Variants in RASA4B observed in about 807,000 individuals in gnomAD.
RASA4B encodes ras GTPase-activating protein 4B.
RASA4B carries 2 observed loss-of-function variants against 24.2 expected under a neutral mutation model. The observed-to-expected ratio is 0.08, with a 90% CI of 0.03 to 0.26. The LOEUF (loss-of-function observed/expected upper bound fraction) is 0.26. RASA4B is among the 10% of genes least tolerant of loss of function. The pLI, the probability that RASA4B is intolerant of heterozygous loss-of-function variation, is 1.00. For missense variants in RASA4B, 8 were observed against 277.2 expected (o/e 0.03, Z 6.90); for synonymous variants, 2 against 125.6 (o/e 0.02, Z 6.58).
chr7:102,485,954 CA>C (rs1700859111), intron 18 of RASA4B, among the ~76,000 whole-genome samples: 2 of 149,666 alleles, frequency 1.3e-5, no homozygotes, highest in South Asian at 2.2e-4. Context: ...TCTCTTGGGC[CA>C]GGGTGGGTCC....
chr7:102,498,462 A>T (rs1250176416), intron 8 of RASA4B, among the ~76,000 whole-genome samples: 4 of 144,312 alleles, frequency 2.8e-5, no homozygotes, highest in Non-Finnish European at 6.2e-5. Flanking sequence ...GGATTTCACC[A>T]TGTTGGCCAG....
chr7:102,502,943 C>T (rs1799372770), intron 6 of RASA4B, among the ~76,000 whole-genome samples: 1 of 56,814 alleles, frequency 1.8e-5, no homozygotes, highest in East Asian at 3.4e-4. Context: ...CTCCTTACCC[C>T]CAAGCATGGC....
At chr7:102,509,114 T>TTA (rs59233460) in intron 4 of RASA4B, among the ~76,000 whole-genome samples, 34 of 88,442 alleles carry the variant, frequency 3.8e-4, no homozygotes, top group African/African-American at 8.1e-4. Context: ...GCCTTTTTTT[T>TTA]AAAAAAAAAC....
rs1400499247 is a variant in RASA4B, at chr7:102,480,187, G to A, written c.*3405C>T. 2.6e-5 allele frequency among the ~76,000 whole-genome samples: 4 copies of A among 152,120 alleles called. No homozygotes were observed. Among genetic ancestry groups the A allele is most frequent in the Admixed American group, 2.0e-4 (3 of 15,234 alleles). ...GCCAGCATCTGGGAAGACACCTGTTGCCAAGCCCACCGTGGTCTAGCTGTA... is the reference window on the plus strand; with the variant it reads ...GCCAGCATCTGGGAAGACACCTGTTACCAAGCCCACCGTGGTCTAGCTGTA... On this transcript the variant is annotated 3_prime_UTR_variant, in exon 21 of 21. Transcript: ENST00000465829.
intron 8 of RASA4B, among the ~76,000 whole-genome samples, chr7:102,498,548 C>T (rs1368823373): frequency 2.1e-5 from 3 of 144,234 alleles, no homozygotes; most frequent in Admixed American, 7.1e-5. Flanking sequence ...CATGAGCCAC[C>T]GCACCCGGCT....
intron 16 of RASA4B, among the ~76,000 whole-genome samples, chr7:102,492,502 GC>G (rs1419795412): frequency 5.3e-5 from 4 of 75,506 alleles, no homozygotes; most frequent in African/African-American, 1.1e-4. Flanking sequence ...TCCCCTGTTT[GC>G]CCTAGCCTCC....
At chr7:102,512,776 G>A (rs868336293) in intron 1 of RASA4B, among the ~76,000 whole-genome samples, 495 of 148,752 alleles carry the variant, frequency 3.3e-3, no homozygotes, top group Middle Eastern at 0.021. Context: ...AAGAGGGAGG[G>A]GGAGACTGAG....
rs1798589689 is a variant in RASA4B at position 102,480,516 on chromosome 7, TCAAAGATATA to T, written c.*3066_*3075del. Among the ~76,000 whole-genome samples the T allele has an allele frequency of 8.7e-6, 1 of 115,046 alleles. No individual in the cohort carries two copies. 75.5% of individuals were successfully genotyped at this position (115,046 alleles called of 152,430 possible). On this transcript the variant is annotated 3_prime_UTR_variant, in exon 21 of 21. Transcript: ENST00000465829. ...TTAAGCTTTTTTATTCTTGAAAAGT[TCAAAGATATA>T]CAAAGATAGACTATGCAGGATAATG...
chr7:102,512,882 T>G (rs1440315668), intron 1 of RASA4B, among the ~76,000 whole-genome samples: 339 of 87,362 alleles, frequency 3.9e-3, no homozygotes, highest in Middle Eastern at 7.5e-3. Flanking sequence ...GAGGGAGGGG[T>G]GGAGAGGGAG....
At position 102,481,665 on chromosome 7, in the gene RASA4B, CAAA is replaced by C. The variant is rs553740659; in HGVS notation, c.*1924_*1926del. ...TGGGCAACACAGTGAGACTCTGTCT[CAAA>C]AAAAAAAAAAAAAAAAATTATAAAG... On this transcript the variant is annotated 3_prime_UTR_variant, in exon 21 of 21. Transcript: ENST00000465829. Among the ~76,000 whole-genome samples the C allele has an allele frequency of 2.0e-3, 73 of 35,750 alleles. No individual in the cohort carries two copies. The highest frequency in any genetic ancestry group is 2.1e-3 in the Non-Finnish European group (33 of 15,370). 23.5% of individuals were successfully genotyped at this position (35,750 alleles called of 152,430 possible). A position where few individuals can be genotyped will look rare whatever the true frequency, so the allele number is the denominator to read the frequency against.
intron 4 of RASA4B, among the ~76,000 whole-genome samples, chr7:102,509,114 T>TTTAAA (rs59233460): frequency 1.6e-4 from 14 of 88,378 alleles, no homozygotes; most frequent in Admixed American, 4.1e-4. Flanking sequence ...GCCTTTTTTT[T>TTTAAA]AAAAAAAAAC....
At chr7:102,502,688 A>T (rs1418165802) in intron 6 of RASA4B, among the ~76,000 whole-genome samples, 8 of 127,754 alleles carry the variant, frequency 6.3e-5, no homozygotes, top group Non-Finnish European at 9.3e-5. Flanking sequence ...CCAACTGGGA[A>T]GGCAGAGCCT....
intron 19 of RASA4B, among the ~76,000 whole-genome samples, chr7:102,484,591 G>T (rs1327657457): frequency 3.5e-3 from 398 of 112,730 alleles, no homozygotes; most frequent in African/African-American, 0.011. Context: ...TGAGCGCATG[G>T]GAAGCACTGG....
chr7:102,499,201 T>C (rs1229284427), intron 8 of RASA4B, among the ~76,000 whole-genome samples: 27 of 121,506 alleles, frequency 2.2e-4, no homozygotes, highest in Admixed American at 1.7e-3. Context: ...AAAATATATA[T>C]ATATATATAT....
At chr7:102,502,185 G>C (rs1324914898) in intron 6 of RASA4B, among the ~76,000 whole-genome samples, 2 of 558 alleles carry the variant, frequency 3.6e-3, no homozygotes, top group African/African-American at 9.5e-3. Context: ...AGTAACTCAG[G>C]AATGGAAAAC....
intron 16 of RASA4B, among the ~76,000 whole-genome samples, chr7:102,491,988 C>T (rs1251054404): frequency 4.0e-5 from 1 of 24,700 alleles, no homozygotes; most frequent in African/African-American, 7.5e-5. Context: ...GGCTTGGTGG[C>T]ACGTGCCTGT....
At chr7:102,504,701 C>CAAAAAAAAA (rs374923276) in intron 5 of RASA4B, among the ~76,000 whole-genome samples, 1 of 108,464 alleles carries the variant, frequency 9.2e-6, no homozygotes, top group Non-Finnish European at 1.8e-5. Flanking sequence ...AAAAACCCAC[C>CAAAAAAAAA]AAAAAAAAAA....
intron 4 of RASA4B, among the ~76,000 whole-genome samples, chr7:102,509,114 T>TTTTAA (rs59233460): frequency 2.6e-4 from 23 of 88,432 alleles, no homozygotes; most frequent in Middle Eastern, 4.3e-3. Flanking sequence ...GCCTTTTTTT[T>TTTTAA]AAAAAAAAAC....
rs1331746462 is a variant in RASA4B at position 102,481,325 on chromosome 7, C to T, written c.*2267G>A. Among the ~76,000 whole-genome samples the T allele has an allele frequency of 1.7e-5, 1 of 58,482 alleles. No individual in the cohort carries two copies. The highest frequency in any genetic ancestry group is 4.8e-5 in the African/African-American group (1 of 20,750). 38.4% of individuals were successfully genotyped at this position (58,482 alleles called of 152,430 possible). On this transcript the variant is annotated 3_prime_UTR_variant, in exon 21 of 21. Coordinates refer to ENST00000465829, the MANE Select transcript of RASA4B (RefSeq NM_001367767.2). The stretch of plus-strand genomic sequence containing the variant: ...CCTTCTGTCTTGGCCTCCCGAGTAG[C>T]TGGGACTAGAGGTGTGCACCGTCAC...
Sources: allele counts gnomAD v4.1 joint callset (sites outside exome capture counted in the v4.1 genomes callset), GRCh38; gene constraint gnomAD v4.1.1; transcripts MANE v1.5; gene names NCBI Gene and HGNC (gene_info 2026-07-23, HGNC 2026-07-21).